Variants in PAK5 observed in about 807,000 individuals in gnomAD.
PAK5 encodes serine/threonine-protein kinase PAK 5.
In PAK5, 16 loss-of-function variants were observed where a neutral mutation model predicts 65.9. The observed-to-expected ratio is 0.24, with a 90% CI of 0.16 to 0.37. The LOEUF is 0.37. Among genes scored for constraint, PAK5 ranks in the 10% least tolerant of loss-of-function variants. PAK5 has a pLI of 1.00. For synonymous variants in PAK5, 371 were observed against 354.9 expected (o/e 1.05, Z -0.51); for missense variants, 785 against 903.9 (o/e 0.87, Z 1.69).
chr20:9,775,989 T>G (rs916255006), intron 1 of PAK5, among the ~76,000 whole-genome samples: 3 of 152,198 alleles, frequency 2.0e-5, no homozygotes, highest in Non-Finnish European at 4.4e-5. Flanking sequence ...ATAGAAAATT[T>G]TGGTATCATG....
intron 3 of PAK5, among the ~76,000 whole-genome samples, chr20:9,642,361 G>A (rs990125828): frequency 1.3e-5 from 2 of 152,300 alleles, no homozygotes; most frequent in African/African-American, 4.8e-5. Context: ...ACTGGTGTGA[G>A]AATGTTTCTT....
intron 3 of PAK5, among the ~76,000 whole-genome samples, chr20:9,627,440 G>C (rs1182503612): frequency 1.3e-5 from 2 of 152,150 alleles, no homozygotes; most frequent in Non-Finnish European, 2.9e-5. Context: ...GTCAGATGCT[G>C]CTGCAAGTAG....
chr20:9,542,879 G>A (rs1183203735), intron 8 of PAK5, among the ~76,000 whole-genome samples, 159 bp from the exon 9 acceptor site: 3 of 152,218 alleles, frequency 2.0e-5, no homozygotes, highest in African/African-American at 7.2e-5. Flanking sequence ...GGGTTACCGA[G>A]TTTTTGCTAA....
chr20:9,747,637 C>T (rs544888722), intron 1 of PAK5, among the ~76,000 whole-genome samples: 24 of 152,048 alleles, frequency 1.6e-4, no homozygotes, highest in African/African-American at 5.8e-4. Context: ...ATTCAACAAA[C>T]CTTCATGCTA....
rs548291657 is a variant in PAK5 at position 9,615,318 on chromosome 20, A to G, written c.204+28807T>C. Reference sequence around the variant, plus strand: ...AAGTGAACCCTGATGTGAACTATGGACTTTGAGTGATAATGACGTGTCCAT... The same window carrying G: ...AAGTGAACCCTGATGTGAACTATGGGCTTTGAGTGATAATGACGTGTCCAT... On this transcript the variant is annotated intron_variant, in intron 3 of 9. Coordinates refer to ENST00000353224, the MANE Select transcript of PAK5 (RefSeq NM_177990.4). Among the ~76,000 whole-genome samples the G allele has an allele frequency of 2.6e-5, 4 of 152,272 alleles. No homozygotes were observed. In the East Asian group the frequency reaches 7.7e-4, roughly 29 times the overall value.
chr20:9,684,869 A>T (rs2047697362), intron 2 of PAK5, among the ~76,000 whole-genome samples: 1 of 152,172 alleles, frequency 6.6e-6, no homozygotes, highest in Non-Finnish European at 1.5e-5. Context: ...TTGGGGTGGA[A>T]GTGGGGAGTA....
At chr20:9,665,393 T>C (rs988147943) in intron 2 of PAK5, among the ~76,000 whole-genome samples, 1 of 152,134 alleles carries the variant, frequency 6.6e-6, no homozygotes, top group Non-Finnish European at 1.5e-5. Context: ...GCTGGAGACT[T>C]TAATTTTCAA....
chr20:9,822,977 G>C (rs148858530), intron 1 of PAK5, among the ~76,000 whole-genome samples: 1 of 152,174 alleles, frequency 6.6e-6, no homozygotes, highest in African/African-American at 2.4e-5. Context: ...CTATGATTTA[G>C]ATGTACATGT....
At chr20:9,601,789 C>T (rs530060492) in intron 3 of PAK5, among the ~76,000 whole-genome samples, 1 of 152,210 alleles carries the variant, frequency 6.6e-6, no homozygotes, top group South Asian at 2.1e-4. Flanking sequence ...AAAACCTGAC[C>T]TGGGCAGTTG....
chr20:9,723,962 C>T (rs889085512), intron 1 of PAK5, among the ~76,000 whole-genome samples: 5 of 152,132 alleles, frequency 3.3e-5, no homozygotes, highest in African/African-American at 1.2e-4. Context: ...AGGATGTTTC[C>T]TTTTCACCCA....
chr20:9,754,577 G>A (rs1252743685), intron 1 of PAK5, among the ~76,000 whole-genome samples: 2 of 152,116 alleles, frequency 1.3e-5, no homozygotes, highest in African/African-American at 2.4e-5. Flanking sequence ...CAATTGGGGA[G>A]GTTTAGAATC....
At chr20:9,716,362 C>G (rs28653383) in intron 1 of PAK5, among the ~76,000 whole-genome samples, 1 of 152,076 alleles carries the variant, frequency 6.6e-6, no homozygotes. Context: ...TCAAACAGTT[C>G]AGAGTATCAG....
At chr20:9,673,995 T>C (rs1400134254) in intron 2 of PAK5, among the ~76,000 whole-genome samples, 2 of 152,168 alleles carry the variant, frequency 1.3e-5, no homozygotes, top group Non-Finnish European at 2.9e-5. Context: ...AACTAGGAGA[T>C]TCTGCTAGTT....
rs190766717 is a variant in PAK5, at chr20:9,569,872, G to A, written c.991-3488C>T. On this transcript the variant is annotated intron_variant, in intron 4 of 9. Transcript: ENST00000353224. ...CTTCAAAAACACTACACTTTACTAG[G>A]TGAATTCACCACTCAGACAGCCTTG... Among the ~76,000 whole-genome samples, 510 of 151,882 alleles carry A rather than the reference G, an allele frequency of 3.4e-3. 17 individuals carry two copies. Among genetic ancestry groups the A allele is most frequent in the African/African-American group, 0.011 (458 of 41,194 alleles).
intron 6 of PAK5, among the ~76,000 whole-genome samples, chr20:9,561,467 G>GT (rs201155556): frequency 0.011 from 1,622 of 152,128 alleles, 14 homozygotes; most frequent in Admixed American, 0.025. Flanking sequence ...GATCTTATGT[G>GT]TTTTTTTGTT....
chr20:9,637,577 A>G (rs991300710), intron 3 of PAK5, among the ~76,000 whole-genome samples: 6 of 152,212 alleles, frequency 3.9e-5, no homozygotes, highest in Admixed American at 6.5e-5. Flanking sequence ...TTATAATAGC[A>G]AATACTTGAC....
chr20:9,835,207 T>C (rs1289739235), intron 1 of PAK5, among the ~76,000 whole-genome samples: 2 of 152,208 alleles, frequency 1.3e-5, no homozygotes, highest in South Asian at 4.1e-4. Flanking sequence ...ACCTTCTGCA[T>C]ATAAGACATA....
intron 2 of PAK5, among the ~76,000 whole-genome samples, chr20:9,695,326 G>A (rs559886453): frequency 3.0e-4 from 46 of 151,872 alleles, no homozygotes; most frequent in African/African-American, 9.9e-4. Flanking sequence ...TTTCCTTTTC[G>A]TGCTCAAAGA....
intron 8 of PAK5, 125 bp downstream of exon 8, chr20:9,544,244 G>T: frequency 9.7e-7 from 1 of 1,032,386 alleles, no homozygotes; most frequent in Non-Finnish European, 1.4e-6. Context: ...CATCTAGTGA[G>T]TGGGGATCAA....
Sources: gnomAD v4.1 joint callset for allele counts (sites outside exome capture counted in the v4.1 genomes callset) on GRCh38, gnomAD v4.1.1 for gene constraint, MANE v1.5 for transcripts, NCBI Gene and HGNC (gene_info 2026-07-23, HGNC 2026-07-21) for gene names.